TRIO: variants seen among roughly 807,000 people sequenced by gnomAD.
TRIO encodes the protein trio Rho guanine nucleotide exchange factor.
TRIO carries 58 observed loss-of-function variants against 351.9 expected under a neutral mutation model. That is an observed-to-expected ratio of 0.16 (90% CI 0.13 to 0.21). The LOEUF (loss-of-function observed/expected upper bound fraction) is 0.21, where lower values mean the gene tolerates loss of function less well. Among genes scored for constraint, TRIO ranks in the 10% least tolerant of loss-of-function variants. The pLI is 1.00. For missense variants in TRIO, 3,201 were observed against 4,027.8 expected, an observed-to-expected ratio of 0.79 and a Z score of 5.56; for synonymous variants, 1,758 against 1,595.7, an observed-to-expected ratio of 1.10 and a Z score of -2.42.
intron 1 of TRIO, among the ~76,000 whole-genome samples, chr5:14,246,117 C>G (rs1200281284): frequency 6.6e-6 from 1 of 152,190 alleles, no homozygotes; most frequent in East Asian, 1.9e-4. Flanking sequence ...TTTCTTCTAT[C>G]TGATAAACAG....
chr5:14,308,160 T>C (rs1390777407), intron 8 of TRIO, among the ~76,000 whole-genome samples: 1 of 152,174 alleles, frequency 6.6e-6, no homozygotes, highest in Non-Finnish European at 1.5e-5. Flanking sequence ...TGTTTGTTTG[T>C]GAGGTGTCAC....
intron 1 of TRIO, among the ~76,000 whole-genome samples, chr5:14,247,417 A>T (rs753999725): frequency 6.6e-6 from 1 of 152,262 alleles, no homozygotes; most frequent in Non-Finnish European, 1.5e-5. Context: ...GCTTTAAATG[A>T]AGTCTTACTA....
intron 31 of TRIO, among the ~76,000 whole-genome samples, chr5:14,404,029 TGTG>T (rs201651936): frequency 0.02 from 1,406 of 71,954 alleles, 8 homozygotes; most frequent in East Asian, 0.038. Flanking sequence ...GGGTGTAGGT[TGTG>T]GTGGTGAGGG....
At chr5:14,174,226 T>G (rs1352154960) in intron 1 of TRIO, among the ~76,000 whole-genome samples, 1 of 152,212 alleles carries the variant, frequency 6.6e-6, no homozygotes, top group African/African-American at 2.4e-5. Flanking sequence ...GCCCTACGCT[T>G]TCAGAGCCTC....
At chr5:14,281,083 T>A (rs189025147) in intron 3 of TRIO, among the ~76,000 whole-genome samples, 1 of 152,286 alleles carries the variant, frequency 6.6e-6, no homozygotes, top group East Asian at 1.9e-4. Flanking sequence ...GCTCTGGAAA[T>A]GTATTACTCG....
At chr5:14,171,790 A>C (rs553709934) in intron 1 of TRIO, among the ~76,000 whole-genome samples, 13 of 152,150 alleles carry the variant, frequency 8.5e-5, no homozygotes, top group African/African-American at 2.9e-4. Context: ...GGGTGGGGGG[A>C]TGGTCGGTGG....
At position 14,387,613 on chromosome 5, in the gene TRIO, C is replaced by A. The variant is rs778354815; in HGVS notation, c.3746C>A (p.Ser1249Tyr). The part of the protein sequence containing the change: ...RTSLEKALGI[S>Y]SDSNKSSKSL... ...TCTTTGGAAAAAGCCCTGGGGATTTCTTCAGATTCCAACAAATCGGTAAAT... is the reference window on the plus strand; with the variant it reads ...TCTTTGGAAAAAGCCCTGGGGATTTATTCAGATTCCAACAAATCGGTAAAT... The change falls in exon 22 of 57, where the codon TCT becomes TAT. Residue 1249 changes from serine (S) to tyrosine (Y), a missense_variant. Ser to Tyr is a moderately radical substitution (Grantham distance 144, BLOSUM62 -2). Around this residue, in one of 19 missense-constraint regions of TRIO, gnomAD observed 201 missense variants for 266.5 expected, o/e 0.75. Coordinates refer to ENST00000344204, the MANE Select transcript of TRIO (RefSeq NM_007118.4). The A allele has an allele frequency of 6.2e-7, 1 of 1,612,004 alleles. No homozygotes were observed. Among genetic ancestry groups the A allele is most frequent in the East Asian group, 2.2e-5 (1 of 44,854 alleles).
chr5:14,149,947 A>C (rs1263295685), intron 1 of TRIO, among the ~76,000 whole-genome samples: 1 of 152,206 alleles, frequency 6.6e-6, no homozygotes, highest in African/African-American at 2.4e-5. Context: ...TAGCCCTGCT[A>C]TGGACAGGGA....
rs956968656 is a variant in TRIO at position 14,336,277 on chromosome 5, G to A, written c.1855-259G>A. 3.9e-5 allele frequency among the ~76,000 whole-genome samples: 6 copies of A among 152,278 alleles called. No homozygotes were observed. The East Asian group carries it at 1.2e-3, about 29-fold the overall frequency. ...CTGAGTCACAAGACAGCCAGCAATT[G>A]CCTGCAGATAGTCCATCACTACCTT... is the stretch of plus-strand genomic sequence containing the variant. On this transcript the variant is annotated intron_variant, in intron 10 of 56. Coordinates refer to ENST00000344204, the MANE Select transcript of TRIO (RefSeq NM_007118.4).
intron 13 of TRIO, among the ~76,000 whole-genome samples, chr5:14,360,128 T>C (rs1321952202): frequency 6.6e-6 from 1 of 152,176 alleles, no homozygotes; most frequent in East Asian, 1.9e-4. Context: ...GGTCGTAGCA[T>C]TTTAGGTAAC....
At chr5:14,439,012 GTTTT>G (rs559207280) in intron 34 of TRIO, among the ~76,000 whole-genome samples, 2 of 151,374 alleles carry the variant, frequency 1.3e-5, no homozygotes, top group Non-Finnish European at 2.9e-5. Flanking sequence ...GAACTTGAGG[GTTTT>G]TTTTTGTTTT....
chr5:14,352,275 G>A (rs1434088056), intron 11 of TRIO, among the ~76,000 whole-genome samples: 1 of 152,196 alleles, frequency 6.6e-6, no homozygotes, highest in Non-Finnish European at 1.5e-5. Context: ...TGGCCTCCAG[G>A]GGGCAGCCTT....
chr5:14,145,081 C>G (rs958022489), intron 1 of TRIO, among the ~76,000 whole-genome samples: 3 of 152,036 alleles, frequency 2.0e-5, no homozygotes, highest in Non-Finnish European at 2.9e-5. Context: ...GACGGCCGGG[C>G]TGGGGACACC....
chr5:14,406,940 C>A (rs945885325), intron 33 of TRIO, among the ~76,000 whole-genome samples: 2 of 152,132 alleles, frequency 1.3e-5, no homozygotes, highest in Non-Finnish European at 2.9e-5. Context: ...CATTCGAGGG[C>A]AGCATACTTA....
At chr5:14,220,030 T>C (rs1027344246) in intron 1 of TRIO, among the ~76,000 whole-genome samples, 1 of 150,418 alleles carries the variant, frequency 6.6e-6, no homozygotes, top group African/African-American at 2.5e-5. Context: ...GGTTTTTTTT[T>C]CTTCTTCCTC....
intron 1 of TRIO, among the ~76,000 whole-genome samples, chr5:14,169,481 A>G (rs888480201): frequency 3.3e-5 from 5 of 152,164 alleles, no homozygotes; most frequent in Non-Finnish European, 7.4e-5. Context: ...TTTACCATTG[A>G]GTCCCAGGAA....
chr5:14,181,200 A>C (rs1344726696), intron 1 of TRIO, among the ~76,000 whole-genome samples: 1 of 151,530 alleles, frequency 6.6e-6, no homozygotes, highest in African/African-American at 2.4e-5. Context: ...TATTTAAGGG[A>C]TATAGAATTT....
chr5:14,163,135 A>C (rs1048354847), intron 1 of TRIO, among the ~76,000 whole-genome samples: 2 of 152,180 alleles, frequency 1.3e-5, no homozygotes, highest in Non-Finnish European at 2.9e-5. Flanking sequence ...TGCATGCATT[A>C]GGTATTAGTC....
At chr5:14,481,962 G>A (rs922609261) in intron 45 of TRIO, among the ~76,000 whole-genome samples, 13 of 151,584 alleles carry the variant, frequency 8.6e-5, no homozygotes, top group South Asian at 2.1e-4. Flanking sequence ...GTAGGACCTC[G>A]GAGGTCCCCA....
Sources: allele counts gnomAD v4.1 joint callset (sites outside exome capture counted in the v4.1 genomes callset), GRCh38; gene constraint gnomAD v4.1.1; regional missense constraint gnomAD v4.1.1; transcripts MANE v1.5; gene names NCBI Gene and HGNC (gene_info 2026-07-23, HGNC 2026-07-21).